The following PCDHA7 variants were observed in gnomAD, a reference collection of about 807,000 sequenced individuals.
The protein encoded by PCDHA7 is protocadherin alpha-7.
PCDHA7 carries 37 observed loss-of-function variants against 57.2 expected under a neutral mutation model. That is an observed-to-expected ratio of 0.65 (90% CI 0.50 to 0.85). PCDHA7 has a LOEUF of 0.85. Among genes scored for constraint, PCDHA7 ranks in the 40% least tolerant of loss-of-function variants. PCDHA7 has a pLI of 0.00. For synonymous variants in PCDHA7, 553 were observed against 558.8 expected, an observed-to-expected ratio of 0.99 and a Z score of 0.15; for missense variants, 1,188 against 1,241.8, an observed-to-expected ratio of 0.96 and a Z score of 0.65.
chr5:140,883,222 A>T lies in PCDHA7; in HGVS notation c.2355+46484A>T, dbSNP rs1164969110. ...TCGAAGAAAAGAAATTATATGAAATATCCGTGGAGGCAGTTGACAAAGGAA... is the reference window on the plus strand; with the variant it reads ...TCGAAGAAAAGAAATTATATGAAATTTCCGTGGAGGCAGTTGACAAAGGAA... On this transcript the variant is annotated intron_variant, in intron 1 of 3. Transcript: ENST00000525929. 8.7e-6 allele frequency: 14 copies of T among 1,613,970 alleles called. No homozygotes were observed. The African/African-American group carries it at 1.7e-4, about 20-fold the overall frequency.
intron 1 of PCDHA7, among the ~76,000 whole-genome samples, chr5:140,910,741 A>G (rs1349649150): frequency 1.3e-5 from 2 of 152,142 alleles, no homozygotes; most frequent in African/African-American, 2.4e-5. Flanking sequence ...AACCAAGCAC[A>G]TAAATTATCA....
intron 1 of PCDHA7, among the ~76,000 whole-genome samples, chr5:140,944,186 GTTT>G (rs2093621428): frequency 6.6e-6 from 1 of 151,986 alleles, no homozygotes. Flanking sequence ...TTGTTGGTTT[GTTT>G]TGTTTTGTTT....
chr5:140,951,021 G>A (rs960559037), intron 1 of PCDHA7, among the ~76,000 whole-genome samples: 1 of 151,932 alleles, frequency 6.6e-6, no homozygotes, highest in Non-Finnish European at 1.5e-5. Context: ...CAGGCAGTGA[G>A]TTTTAATTTC....
At chr5:141,005,093 G>A (rs1441843884) in intron 3 of PCDHA7, among the ~76,000 whole-genome samples, 1 of 152,172 alleles carries the variant, frequency 6.6e-6, no homozygotes, top group East Asian at 1.9e-4. Flanking sequence ...TACTTTACAT[G>A]CATTACATCA....
chr5:140,877,458 G>C, intron 1 of PCDHA7: 1 of 1,613,814 alleles, frequency 6.2e-7, no homozygotes, highest in Non-Finnish European at 8.5e-7. Context: ...TGACGTCCAC[G>C]GCCACGGTGC....
At chr5:140,889,302 C>T (rs1323356979) in intron 1 of PCDHA7, among the ~76,000 whole-genome samples, 1 of 151,926 alleles carries the variant, frequency 6.6e-6, no homozygotes, top group Non-Finnish European at 1.5e-5. Flanking sequence ...TTGGAGAACT[C>T]ACTGTTGAAG....
chr5:140,923,333 T>C lies in PCDHA7; in HGVS notation c.2356-55616T>C, dbSNP rs180734722. Among the ~76,000 whole-genome samples the C allele has an allele frequency of 8.0e-3, 1,225 of 152,228 alleles. 6 individuals are homozygous for C. The highest frequency in any genetic ancestry group is 0.019 in the African/African-American group (792 of 41,544). On this transcript the variant is annotated intron_variant, in intron 1 of 3. Coordinates refer to ENST00000525929, the MANE Select transcript of PCDHA7 (RefSeq NM_018910.3). ...CTTGGCCTAGAAGTTCAAGGACAGT[T>C]TGGGCAACATAGTGGGACCCTATCT...
intron 1 of PCDHA7, among the ~76,000 whole-genome samples, chr5:140,924,769 C>T (rs988519447): frequency 1.3e-5 from 2 of 151,766 alleles, no homozygotes; most frequent in Admixed American, 6.6e-5. Flanking sequence ...GTGGTGCGCG[C>T]TTGTAGTCCT....
chr5:140,935,835 A>G (rs1405712064), intron 1 of PCDHA7, among the ~76,000 whole-genome samples: 3 of 151,830 alleles, frequency 2.0e-5, no homozygotes, highest in Admixed American at 6.6e-5. Flanking sequence ...CACATATTCC[A>G]TACTGCTTAA....
intron 1 of PCDHA7, among the ~76,000 whole-genome samples, chr5:140,881,608 C>T (rs1254695632): frequency 6.6e-6 from 1 of 152,154 alleles, no homozygotes; most frequent in Non-Finnish European, 1.5e-5. Flanking sequence ...ATATGATGTG[C>T]TTATTCAAAA....
At chr5:140,856,866 A>G in intron 1 of PCDHA7, 1 of 1,595,900 alleles carries the variant, frequency 6.3e-7, no homozygotes, top group Non-Finnish European at 8.6e-7. Flanking sequence ...GAAGGAATAA[A>G]CAAGGAAATG....
intron 1 of PCDHA7, among the ~76,000 whole-genome samples, chr5:140,901,760 G>C (rs909858668): frequency 6.6e-6 from 1 of 152,102 alleles, no homozygotes; most frequent in Admixed American, 6.5e-5. Context: ...TTTTGACAGG[G>C]ATTGCATTGA....
chr5:140,877,563 C>G (rs2057203422), intron 1 of PCDHA7: 2 of 1,613,774 alleles, frequency 1.2e-6, no homozygotes, highest in African/African-American at 1.3e-5. Context: ...TGGATATTAA[C>G]GTGTACCTCA....
At chr5:140,940,159 C>CT (rs1401623923) in intron 1 of PCDHA7, among the ~76,000 whole-genome samples, 1 of 151,978 alleles carries the variant, frequency 6.6e-6, no homozygotes, top group East Asian at 1.9e-4. Context: ...TTTTGTTTGC[C>CT]TGAAATGTCA....
intron 1 of PCDHA7, chr5:140,967,928 A>T (rs1438894870): frequency 3.1e-6 from 5 of 1,614,082 alleles, no homozygotes; most frequent in Non-Finnish European, 3.4e-6. Flanking sequence ...GGCCGTTCTC[A>T]GTGTCAATGA....
At chr5:140,969,578 G>A (rs2096343344) in intron 1 of PCDHA7, 2 of 957,378 alleles carry the variant, frequency 2.1e-6, no homozygotes, top group Admixed American at 5.9e-5. Context: ...TGAGAAGTGA[G>A]GATTAGTCTT....
chr5:140,908,754 A>C (rs1403008536), intron 1 of PCDHA7, among the ~76,000 whole-genome samples: 1 of 152,184 alleles, frequency 6.6e-6, no homozygotes, highest in Non-Finnish European at 1.5e-5. Context: ...ACTTGCACAC[A>C]GCCTGGACGT....
At chr5:140,928,348 G>A in intron 1 of PCDHA7, 1 of 1,614,172 alleles carries the variant, frequency 6.2e-7, no homozygotes, top group Non-Finnish European at 8.5e-7. Context: ...TGAGCTGTTG[G>A]ATGTTATCTC....
At chr5:140,859,044 G>C (rs1228604447) in intron 1 of PCDHA7, 6 of 150,376 alleles carry the variant, frequency 4.0e-5, no homozygotes, top group Non-Finnish European at 7.4e-5. Context: ...CTTTAAAAAC[G>C]TTTTCCATTT....
Sources: gnomAD v4.1 joint callset for allele counts (sites outside exome capture counted in the v4.1 genomes callset) on GRCh38, gnomAD v4.1.1 for gene constraint, MANE v1.5 for transcripts, NCBI Gene and HGNC (gene_info 2026-07-23, HGNC 2026-07-21) for gene names.